The following PSG7 variants were observed in gnomAD, a reference collection of about 807,000 sequenced individuals.
PSG7 encodes the protein pregnancy specific beta-1-glycoprotein 7.
In PSG7, 57 loss-of-function variants were observed where a neutral mutation model predicts 45.6. That is an observed-to-expected ratio of 1.25 (90% CI 1.01 to 1.56). The LOEUF (loss-of-function observed/expected upper bound fraction) is 1.56. Among genes scored for constraint, PSG7 ranks in the 40% most tolerant of loss-of-function variants. The pLI, the probability that PSG7 is intolerant of heterozygous loss-of-function variation, is 0.00. For synonymous variants in PSG7, 298 were observed against 194.4 expected, an observed-to-expected ratio of 1.53 and a Z score of -4.43; for missense variants, 796 against 508.4, an observed-to-expected ratio of 1.57 and a Z score of -5.44.
At position 42,937,159 on chromosome 19, in the gene PSG7, G is replaced by C. The variant is rs1031233412; in HGVS notation, c.-83C>G. 14 of 1,541,620 alleles carry C rather than the reference G, an allele frequency of 9.1e-6. No individual in the cohort carries two copies. The highest frequency in any genetic ancestry group is 4.7e-5 in the South Asian group (4 of 85,458). ...CCTGAGCACGGCTGTCAGCTGTGCT[G>C]TCCTTCCTCCTTCTGCACTGAGCCT... On this transcript the variant is annotated 5_prime_UTR_variant, in exon 1 of 6. Transcript: ENST00000406070.
At chr19:42,935,809 T>C (rs781911610) in intron 1 of PSG7, 40 bp from the exon 2 acceptor site, 10 of 1,572,564 alleles carry the variant, frequency 6.4e-6, no homozygotes, top group Non-Finnish European at 8.6e-6. Flanking sequence ...TTGAGACCTA[T>C]GTGTTGGGTT....
intron 3 of PSG7, among the ~76,000 whole-genome samples, chr19:42,928,760 A>T (rs138627425): frequency 6.6e-6 from 1 of 151,264 alleles, no homozygotes; most frequent in African/African-American, 2.4e-5. Flanking sequence ...TGGAAAACAT[A>T]TTGCCAATGC....
rs759835368 is a variant in PSG7 at position 42,924,586 on chromosome 19, T to C, written c.*222A>G. 51 of 626,832 alleles carry C rather than the reference T, an allele frequency of 8.1e-5. 1 individual carries two copies. Among genetic ancestry groups the C allele is most frequent in the Non-Finnish European group, 1.3e-4 (44 of 351,188 alleles). 38.8% of individuals were successfully genotyped at this position (626,832 alleles called of 1,614,324 possible). ...ATCTTGGGAAAAGCTGTCCACAGTGTGAAGTCATCAACTTGTTTTCCTTGT... is the reference window on the plus strand; with the variant it reads ...ATCTTGGGAAAAGCTGTCCACAGTGCGAAGTCATCAACTTGTTTTCCTTGT... On this transcript the variant is annotated 3_prime_UTR_variant, in exon 6 of 6. Coordinates refer to ENST00000406070, the MANE Select transcript of PSG7 (RefSeq NM_002783.3).
chr19:42,934,875 G>C (rs972046038), intron 2 of PSG7, among the ~76,000 whole-genome samples: 6 of 151,710 alleles, frequency 4.0e-5, no homozygotes. Context: ...GCCCTGGCTG[G>C]TGAACAGCTG....
chr19:42,930,567 A>T (rs1345583180), intron 2 of PSG7, among the ~76,000 whole-genome samples: 2 of 151,680 alleles, frequency 1.3e-5, no homozygotes, highest in Non-Finnish European at 2.9e-5. Context: ...GTGAACATGA[A>T]CTGATGATGG....
intron 2 of PSG7, among the ~76,000 whole-genome samples, chr19:42,934,020 A>G (rs896595128): frequency 2.0e-4 from 31 of 151,426 alleles, no homozygotes; most frequent in African/African-American, 7.3e-4. Context: ...TTCTGCATTC[A>G]ATTCCTTTAT....
chr19:42,932,299 T>G lies in PSG7; in HGVS notation c.431-2579A>C, dbSNP rs540881064. Among the ~76,000 whole-genome samples the G allele has an allele frequency of 5.1e-4, 77 of 151,702 alleles. 1 individual carries two copies. The highest frequency in any genetic ancestry group is 1.7e-3 in the African/African-American group (70 of 41,332). On this transcript the variant is annotated intron_variant, in intron 2 of 5. Coordinates refer to ENST00000406070, the MANE Select transcript of PSG7 (RefSeq NM_002783.3). ...TCCCAAAGTCCTGGGAGTATAGGTG[T>G]GAGCCACTGTGCCCAGCCATCTCTG...
Position 42,930,259 on chromosome 19 carries a change from C to T in PSG7, c.431-539G>A, listed in dbSNP as rs1345857719. 2.0e-5 allele frequency among the ~76,000 whole-genome samples: 3 copies of T among 151,634 alleles called. No homozygotes were observed. In the East Asian group the frequency reaches 5.8e-4, roughly 29 times the overall value. Reference sequence around the variant, plus strand: ...GAAATAACACAGGGGAGACCAGAGTCAAGCCTGGAGGTCAGTTCAGTCATC... The same window carrying T: ...GAAATAACACAGGGGAGACCAGAGTTAAGCCTGGAGGTCAGTTCAGTCATC... On this transcript the variant is annotated intron_variant, in intron 2 of 5. Transcript: ENST00000406070.
chr19:42,927,827 T>A (rs1183290669), intron 3 of PSG7, among the ~76,000 whole-genome samples: 5 of 151,634 alleles, frequency 3.3e-5, no homozygotes, highest in Non-Finnish European at 7.4e-5. Context: ...GGGGAGTTTC[T>A]AGAGATCTGC....
rs1973165571 is a variant in PSG7 at position 42,937,000 on chromosome 19, G to A, written c.64+13C>T. 4 of 1,610,614 alleles carry A rather than the reference G, an allele frequency of 2.5e-6. No homozygotes were observed. The highest frequency in any genetic ancestry group is 3.4e-6 in the Non-Finnish European group (4 of 1,177,910). ...TCCTTTTCCTGTCCTCTCCCAGGAA[G>A]TTCTCTCCTCACCTGTGAGCAGGAG... is the stretch of plus-strand genomic sequence containing the variant. On this transcript the variant is annotated intron_variant, in intron 1 of 5. Coordinates refer to ENST00000406070, the MANE Select transcript of PSG7 (RefSeq NM_002783.3).
intron 5 of PSG7, chr19:42,925,045 T>C: frequency 1.8e-6 from 1 of 561,828 alleles, no homozygotes; most frequent in Non-Finnish European, 3.1e-6. Context: ...ATGGACTATG[T>C]AGGCTCTCTT....
intron 4 of PSG7, 187 bp downstream of exon 4, chr19:42,926,251 A>G (rs1275185416): frequency 1.4e-6 from 2 of 1,399,114 alleles, no homozygotes; most frequent in Admixed American, 5.4e-5. Flanking sequence ...CTCCCCTTAT[A>G]TTCTTGGTTA....
chr19:42,934,125 C>T (rs368368356), intron 2 of PSG7, among the ~76,000 whole-genome samples: 22 of 151,388 alleles, frequency 1.5e-4, no homozygotes, highest in East Asian at 1.2e-3. Context: ...TCTCCTTGAT[C>T]CTCTCATGAC....
Position 42,926,430 on chromosome 19 carries a change from A to T in PSG7, c.988+8T>A. The T allele has an allele frequency of 6.2e-7, 1 of 1,611,352 alleles. No homozygotes were observed. Among genetic ancestry groups the T allele is most frequent in the Non-Finnish European group, 8.5e-7 (1 of 1,178,776 alleles). On this transcript the variant is annotated splice_region_variant and intron_variant, in intron 4 of 5. Transcript: ENST00000406070. Reference sequence around the variant, plus strand: ...ACAGAGGAAGAAAGGATACTCAAGGATACTCACAGAGGACATTCAGGGTGA... The same window carrying T: ...ACAGAGGAAGAAAGGATACTCAAGGTTACTCACAGAGGACATTCAGGGTGA...
At chr19:42,926,167 C>A in intron 4 of PSG7, 140 bp from the exon 5 acceptor site, 1 of 1,454,966 alleles carries the variant, frequency 6.9e-7, no homozygotes, top group Non-Finnish European at 9.2e-7. Context: ...TTCACTGAGC[C>A]GAAGCCTGAG....
intron 5 of PSG7, 105 bp downstream of exon 5, chr19:42,925,668 C>A: frequency 1.3e-6 from 2 of 1,589,422 alleles, no homozygotes; most frequent in South Asian, 2.3e-5. Flanking sequence ...TTGCTTGTGC[C>A]CATGGGACAC....
intron 1 of PSG7, 70 bp downstream of exon 1, chr19:42,936,943 C>G (rs972475482): frequency 3.8e-6 from 6 of 1,590,520 alleles, no homozygotes; most frequent in East Asian, 4.5e-5. Flanking sequence ...GAACCCCATC[C>G]TCTCTAGGAG....
intron 2 of PSG7, among the ~76,000 whole-genome samples, chr19:42,933,307 A>ATTTTTTTTTTT (rs397965905): frequency 3.0e-4 from 4 of 13,498 alleles, no homozygotes; most frequent in East Asian, 9.7e-3. Flanking sequence ...ATATATATAT[A>ATTTTTTTTTTT]TTTTTTTTTT....
In PSG7 at chr19:42,929,482, C is replaced by T. The variant is rs184296168; in HGVS notation, c.669G>A (p.Val223=). 5.6e-6 allele frequency: 9 copies of T among 1,612,606 alleles called. No individual in the cohort carries two copies. The highest frequency in any genetic ancestry group is 6.8e-6 in the Non-Finnish European group (8 of 1,179,220). ...GPYECEIRNP[V]SASRSDPVTL... Reference sequence around the variant, plus strand: ...TGACTGGGTCACTGCGGCTGGCACTCACTGGGTTCCGTATTTCACATTCAT... The same window carrying T: ...TGACTGGGTCACTGCGGCTGGCACTTACTGGGTTCCGTATTTCACATTCAT... The change falls in exon 3 of 6, where the codon GTG becomes GTA. Residue 223 remains valine, a synonymous_variant. Transcript: ENST00000406070.
Sources: gnomAD v4.1 joint callset for allele counts (sites outside exome capture counted in the v4.1 genomes callset) on GRCh38, gnomAD v4.1.1 for gene constraint, MANE v1.5 for transcripts, NCBI Gene and HGNC (gene_info 2026-07-23, HGNC 2026-07-21) for gene names.